RBFOX1: variants seen among roughly 807,000 people sequenced by gnomAD.
RBFOX1 encodes RNA binding fox-1 homolog 1.
RBFOX1 carries 8 observed loss-of-function variants against 57.7 expected under a neutral mutation model. The observed-to-expected ratio is 0.14, with a 90% CI of 0.08 to 0.25. The LOEUF (loss-of-function observed/expected upper bound fraction) is 0.25, where lower values mean the gene tolerates loss of function less well. Ranked by LOEUF, RBFOX1 falls within the 10% of genes least tolerant of loss-of-function variation. The pLI, the probability that RBFOX1 is intolerant of heterozygous loss-of-function variation, is 1.00. For synonymous variants in RBFOX1, 326 were observed against 222.4 expected, an observed-to-expected ratio of 1.47 and a Z score of -4.15; for missense variants, 611 against 548.5, an observed-to-expected ratio of 1.11 and a Z score of -1.14.
chr16:5,673,105 A>T (rs1439936753), intron 3 of RBFOX1, among the ~76,000 whole-genome samples: 1 of 152,142 alleles, frequency 6.6e-6, no homozygotes, highest in African/African-American at 2.4e-5. Context: ...CATCCTTTGG[A>T]AAAGCAGGGC....
intron 4 of RBFOX1, among the ~76,000 whole-genome samples, chr16:7,181,127 T>C (rs2082611650): frequency 6.6e-6 from 1 of 152,176 alleles, no homozygotes; most frequent in Non-Finnish European, 1.5e-5. Flanking sequence ...GGAGATAGGC[T>C]TTCAATCCTT....
chr16:5,482,956 C>G (rs1408652339), intron 2 of RBFOX1, among the ~76,000 whole-genome samples: 1 of 152,168 alleles, frequency 6.6e-6, no homozygotes, highest in African/African-American at 2.4e-5. Flanking sequence ...TTAGAAGTCC[C>G]TCTTTCTATC....
chr16:7,400,729 A>G (rs557284973), intron 4 of RBFOX1, among the ~76,000 whole-genome samples: 9 of 152,292 alleles, frequency 5.9e-5, no homozygotes, highest in African/African-American at 1.4e-4. Flanking sequence ...AGCACAGTGG[A>G]TGAACCATCA....
At chr16:7,427,073 T>C (rs2098626152) in intron 4 of RBFOX1, among the ~76,000 whole-genome samples, 2 of 152,092 alleles carry the variant, frequency 1.3e-5, no homozygotes, top group Admixed American at 6.6e-5. Flanking sequence ...ATGAGAACAC[T>C]TGGACACAAG....
chr16:7,099,582 T>G (rs558365654), intron 4 of RBFOX1, among the ~76,000 whole-genome samples: 1 of 152,252 alleles, frequency 6.6e-6, no homozygotes, highest in African/African-American at 2.4e-5. Flanking sequence ...GGTTGCACCC[T>G]TGACACAGCC....
intron 11 of RBFOX1, 63 bp downstream of exon 11, chr16:7,630,746 T>C (rs1211485085): frequency 1.1e-5 from 17 of 1,602,252 alleles, no homozygotes; most frequent in Non-Finnish European, 1.4e-5. Flanking sequence ...TCACCTTCCC[T>C]GCCATGTAAG....
At chr16:7,063,570 G>T (rs997782186) in intron 4 of RBFOX1, among the ~76,000 whole-genome samples, 1 of 152,192 alleles carries the variant, frequency 6.6e-6, no homozygotes, top group East Asian at 1.9e-4. Context: ...TGAGAGTTGA[G>T]AATAGTACTT....
intron 4 of RBFOX1, among the ~76,000 whole-genome samples, chr16:7,087,455 G>A (rs985990669): frequency 1.3e-5 from 2 of 152,184 alleles, no homozygotes; most frequent in Middle Eastern, 3.4e-3. Context: ...GCCGCCTAAA[G>A]TGTCTGGATT....
At chr16:7,009,951 A>G (rs1165278175) in intron 3 of RBFOX1, among the ~76,000 whole-genome samples, 4 of 152,220 alleles carry the variant, frequency 2.6e-5, no homozygotes, top group African/African-American at 9.6e-5. Flanking sequence ...ACAAGGAAAA[A>G]GGGTCCAAAG....
At chr16:7,064,672 G>T (rs372756551) in intron 4 of RBFOX1, among the ~76,000 whole-genome samples, 13 of 152,186 alleles carry the variant, frequency 8.5e-5, no homozygotes, top group Admixed American at 3.3e-4. Flanking sequence ...CCTGGTCCAC[G>T]GTACTTTGTT....
At chr16:5,512,913 C>A (rs1235518291) in intron 2 of RBFOX1, among the ~76,000 whole-genome samples, 3 of 152,118 alleles carry the variant, frequency 2.0e-5, no homozygotes, top group African/African-American at 7.2e-5. Flanking sequence ...GTGATGGTTT[C>A]TCAGACTTTC....
intron 4 of RBFOX1, among the ~76,000 whole-genome samples, chr16:5,902,907 C>T (rs1451332658): frequency 6.6e-6 from 1 of 152,144 alleles, no homozygotes; most frequent in African/African-American, 2.4e-5. Flanking sequence ...GACACTTTGA[C>T]GCGTATCGAA....
At chr16:7,042,400 C>G (rs776936634) in intron 3 of RBFOX1, among the ~76,000 whole-genome samples, 5 of 152,178 alleles carry the variant, frequency 3.3e-5, no homozygotes, top group Admixed American at 2.0e-4. Flanking sequence ...GTAATTCCCT[C>G]TTGAATATTT....
At chr16:6,822,537 G>T (rs148158949) in intron 3 of RBFOX1, among the ~76,000 whole-genome samples, 127 of 152,346 alleles carry the variant, frequency 8.3e-4, no homozygotes, top group African/African-American at 3.0e-3. Context: ...CGTGGCTAGA[G>T]ATAAAACATG....
intron 1 of RBFOX1, among the ~76,000 whole-genome samples, chr16:6,209,515 A>T (rs2097278469): frequency 6.6e-6 from 1 of 152,264 alleles, no homozygotes; most frequent in Non-Finnish European, 1.5e-5. Context: ...GCCAAGGCCA[A>T]GCAGGCAATT....
intron 4 of RBFOX1, among the ~76,000 whole-genome samples, chr16:7,428,021 T>C (rs2098638944): frequency 6.6e-6 from 1 of 152,172 alleles, no homozygotes; most frequent in Admixed American, 6.5e-5. Context: ...CTCCCTCCTA[T>C]TTGCTCATCC....
intron 3 of RBFOX1, among the ~76,000 whole-genome samples, chr16:5,796,940 C>T (rs1254392224): frequency 6.6e-6 from 1 of 152,328 alleles, no homozygotes; most frequent in Admixed American, 6.5e-5. Context: ...GTGCCAAGCA[C>T]TGCAGAAGGT....
chr16:6,618,608 G>C (rs1045480218), intron 2 of RBFOX1, among the ~76,000 whole-genome samples: 1 of 152,164 alleles, frequency 6.6e-6, no homozygotes, highest in African/African-American at 2.4e-5. Context: ...AATACAGAAA[G>C]GTAAAATCAC....
intron 4 of RBFOX1, among the ~76,000 whole-genome samples, chr16:7,070,716 G>A (rs530107410): frequency 6.6e-6 from 1 of 152,200 alleles, no homozygotes; most frequent in Non-Finnish European, 1.5e-5. Flanking sequence ...TTCTAAGTAG[G>A]CAAGAGCATC....
Sources: gnomAD v4.1 joint callset for allele counts (sites outside exome capture counted in the v4.1 genomes callset) on GRCh38, gnomAD v4.1.1 for gene constraint, MANE v1.5 for transcripts, NCBI Gene and HGNC (gene_info 2026-07-23, HGNC 2026-07-21) for gene names.